The following MGAT4D variants were observed in gnomAD, a reference collection of about 807,000 sequenced individuals.
MGAT4D encodes the protein alpha-1,3-mannosyl-glycoprotein 4-beta-N-acetylglucosaminyltransferase-like protein MGAT4D.
Under a neutral mutation model 15.9 loss-of-function variants are expected in MGAT4D, and 34 were observed. That is an observed-to-expected ratio of 2.14 (90% CI 1.62 to 2.84). The LOEUF (loss-of-function observed/expected upper bound fraction) is 2.84, where lower values mean the gene tolerates loss of function less well. Ranked by LOEUF, MGAT4D falls within the 30% of genes most tolerant of loss-of-function variation. MGAT4D has a pLI of 0.00. For missense variants in MGAT4D, 327 were observed against 140.2 expected, an observed-to-expected ratio of 2.33 and a Z score of -6.73; for synonymous variants, 112 against 48.2, an observed-to-expected ratio of 2.33 and a Z score of -5.49.
intron 10 of MGAT4D, among the ~76,000 whole-genome samples, chr4:140,449,731 G>C (rs1730352847): frequency 6.6e-6 from 1 of 151,460 alleles, no homozygotes; most frequent in East Asian, 1.9e-4. Flanking sequence ...CTGCACCCCA[G>C]GCTGGGCAAC....
At chr4:140,444,906 A>G in intron 10 of MGAT4D, among the ~76,000 whole-genome samples, 1 of 144,706 alleles carries the variant, frequency 6.9e-6, no homozygotes. Flanking sequence ...TTTGATATGG[A>G]GTTCTGCTCT....
chr4:140,471,360 T>C (rs971281228), intron 5 of MGAT4D, among the ~76,000 whole-genome samples: 3 of 152,084 alleles, frequency 2.0e-5, no homozygotes, highest in East Asian at 1.9e-4. Flanking sequence ...GCAGGGTCCA[T>C]TCCACAGCAT....
intron 10 of MGAT4D, among the ~76,000 whole-genome samples, chr4:140,449,618 G>A (rs10014531): frequency 0.6 from 91,238 of 151,942 alleles, 28,541 homozygotes; most frequent in Non-Finnish European, 0.71. Context: ...AAGTTAGCCC[G>A]GCATGGTGGT....
chr4:140,494,250 C>T (rs1733690953), intron 1 of MGAT4D, among the ~76,000 whole-genome samples: 5 of 152,108 alleles, frequency 3.3e-5, no homozygotes, highest in African/African-American at 9.7e-5. Flanking sequence ...GAGACTCTGG[C>T]GATCAAGGGC....
At chr4:140,489,967 T>C (rs1733396752) in intron 1 of MGAT4D, among the ~76,000 whole-genome samples, 2 of 152,136 alleles carry the variant, frequency 1.3e-5, no homozygotes, top group Non-Finnish European at 2.9e-5. Flanking sequence ...TCAACCCTAC[T>C]AGTAGTGGAA....
At chr4:140,479,412 T>C (rs1261382360) in intron 3 of MGAT4D, 78 bp downstream of exon 3, 5 of 383,116 alleles carry the variant, frequency 1.3e-5, no homozygotes, top group African/African-American at 2.1e-5. Context: ...TAATAATGGA[T>C]TACATCTTAA....
chr4:140,454,026 G>A (rs961212873), intron 9 of MGAT4D, among the ~76,000 whole-genome samples: 14 of 152,010 alleles, frequency 9.2e-5, no homozygotes, highest in Admixed American at 4.6e-4. Context: ...GTGTGTGTGT[G>A]TGTGTGTGTG....
intron 5 of MGAT4D, among the ~76,000 whole-genome samples, chr4:140,467,888 T>C (rs1731646451): frequency 6.6e-6 from 1 of 151,976 alleles, no homozygotes. Flanking sequence ...AATTATATAG[T>C]TTCAATCTAG....
intron 10 of MGAT4D, among the ~76,000 whole-genome samples, chr4:140,448,626 T>C (rs1730281435): frequency 6.6e-6 from 1 of 152,242 alleles, no homozygotes; most frequent in Non-Finnish European, 1.5e-5. Flanking sequence ...CTTAGATTCA[T>C]TGGATTAAGT....
At chr4:140,460,136 T>G (rs1419005586) in intron 7 of MGAT4D, among the ~76,000 whole-genome samples, 3 of 152,234 alleles carry the variant, frequency 2.0e-5, no homozygotes, top group East Asian at 3.9e-4. Context: ...TACTAAACAT[T>G]CCATCTAAAT....
chr4:140,475,908 T>C (rs1256942123), intron 3 of MGAT4D, among the ~76,000 whole-genome samples: 1 of 147,680 alleles, frequency 6.8e-6, no homozygotes, highest in Non-Finnish European at 1.5e-5. Flanking sequence ...ACCTCCCGGG[T>C]TCAAGCTATT....
chr4:140,494,066 C>G (rs944103022), intron 1 of MGAT4D, among the ~76,000 whole-genome samples: 3 of 150,488 alleles, frequency 2.0e-5, no homozygotes, highest in African/African-American at 7.3e-5. Flanking sequence ...CCAGGAAACA[C>G]TCTCAAAGAA....
At chr4:140,477,199 A>G (rs1459574106) in intron 3 of MGAT4D, among the ~76,000 whole-genome samples, 1 of 151,922 alleles carries the variant, frequency 6.6e-6, no homozygotes, top group Non-Finnish European at 1.5e-5. Context: ...CCACTTCCCT[A>G]CTTAGTCTAC....
At chr4:140,458,040 T>C (rs1277503392) in intron 8 of MGAT4D, 5 of 152,160 alleles carry the variant, frequency 3.3e-5, no homozygotes, top group Non-Finnish European at 1.5e-5. Flanking sequence ...AACCAAGTGT[T>C]GTCAAGCATA....
chr4:140,452,806 T>C (rs1730554887), intron 9 of MGAT4D, among the ~76,000 whole-genome samples: 1 of 152,164 alleles, frequency 6.6e-6, no homozygotes, highest in Non-Finnish European at 1.5e-5. Flanking sequence ...TAGTGTCATT[T>C]AAAAAAATTT....
At chr4:140,459,313 G>A in intron 8 of MGAT4D, 199 bp downstream of exon 8, 1 of 267,526 alleles carries the variant, frequency 3.7e-6, no homozygotes, top group Admixed American at 5.4e-5. Context: ...GATCTCTCTA[G>A]AAAAAAGTTT....
At chr4:140,451,274 A>G (rs1578637755) in intron 10 of MGAT4D, 136 bp downstream of exon 10, 2 of 378,176 alleles carry the variant, frequency 5.3e-6, no homozygotes, top group East Asian at 3.8e-5. Flanking sequence ...TTCACAACAT[A>G]CAGTACTGTC....
chr4:140,474,379 C>T (rs1732175647), intron 4 of MGAT4D, among the ~76,000 whole-genome samples: 1 of 152,176 alleles, frequency 6.6e-6, no homozygotes, highest in Non-Finnish European at 1.5e-5. Context: ...ATAAGAAAGT[C>T]TCTCAATCAT....
At position 140,482,427 on chromosome 4, in the gene MGAT4D, G is replaced by T; in HGVS notation, c.153C>A (p.His51Gln). 1.6e-6 allele frequency: 1 copy of T among 637,726 alleles called. No individual in the cohort carries two copies. The highest frequency in any genetic ancestry group is 2.8e-6 in the Non-Finnish European group (1 of 360,170). The allele number at this position is 637,726 out of a possible 1,614,324, so 39.5% of individuals were successfully genotyped here. The change falls in exon 2 of 11, where the codon CAC becomes CAA. Residue 51 changes from histidine (H) to glutamine (Q), a missense_variant. Physicochemically the swap from His to Gln is conservative, Grantham distance 24. Coordinates refer to ENST00000511113, the MANE Select transcript of MGAT4D (RefSeq NM_001277353.2). ...HILEFKENML[H>Q]LRNKTEKNTQ... The stretch of plus-strand genomic sequence containing the variant: ...TATTTTTTTCAGTTTTGTTTCTTAA[G>T]TGTAGCATATTTTCTTTAAACTCCA...
Sources: gnomAD v4.1 joint callset for allele counts (sites outside exome capture counted in the v4.1 genomes callset) on GRCh38, gnomAD v4.1.1 for gene constraint, MANE v1.5 for transcripts, NCBI Gene and HGNC (gene_info 2026-07-23, HGNC 2026-07-21) for gene names.